Variants in TFAP2D observed in about 807,000 individuals in gnomAD.
TFAP2D encodes transcription factor AP-2 delta, also known as transcription factor AP-2-delta.
Under a neutral mutation model 43.6 loss-of-function variants are expected in TFAP2D, and 9 were observed. The observed-to-expected ratio is 0.21, with a 90% CI of 0.12 to 0.36. The LOEUF (loss-of-function observed/expected upper bound fraction) is 0.36, where lower values mean the gene tolerates loss of function less well. Among genes scored for constraint, TFAP2D ranks in the 10% least tolerant of loss-of-function variants. TFAP2D has a pLI of 1.00. For missense variants in TFAP2D, 513 were observed against 561.4 expected (o/e 0.91, Z 0.87); for synonymous variants, 256 against 224.9 (o/e 1.14, Z -1.24).
chr6:50,726,587 A>T (rs892772411), intron 3 of TFAP2D, among the ~76,000 whole-genome samples: 3 of 152,204 alleles, frequency 2.0e-5, no homozygotes, highest in Admixed American at 6.5e-5. Flanking sequence ...GCATAAAGAC[A>T]TTGATTTCTC....
chr6:50,732,803 G>T (rs1003739684), intron 5 of TFAP2D, among the ~76,000 whole-genome samples: 1 of 151,944 alleles, frequency 6.6e-6, no homozygotes, highest in Non-Finnish European at 1.5e-5. Flanking sequence ...GACATAACAG[G>T]TTTCATTAGC....
Position 50,773,004 on chromosome 6 carries a change from T to G in TFAP2D, c.*140T>G. 7.5e-6 allele frequency: 5 copies of G among 666,142 alleles called. No individual in the cohort carries two copies. The highest frequency in any genetic ancestry group is 8.9e-5 in the South Asian group (2 of 22,392). 41.3% of individuals were successfully genotyped at this position (666,142 alleles called of 1,614,324 possible). ...CTCCATAAAAAAACAAAAATGGAAA[T>G]GAAAAATGAAACAAAAAAGGACAAA... On this transcript the variant is annotated 3_prime_UTR_variant, in exon 8 of 8. Transcript: ENST00000008391.
chr6:50,748,997 G>T (rs931978146), intron 6 of TFAP2D, among the ~76,000 whole-genome samples: 2 of 151,638 alleles, frequency 1.3e-5, no homozygotes. Context: ...TCTTTTTGTA[G>T]ATTTATAAAT....
intron 5 of TFAP2D, among the ~76,000 whole-genome samples, chr6:50,742,613 GATAGATA>G (rs1769064522): frequency 2.0e-5 from 3 of 151,428 alleles, no homozygotes; most frequent in Non-Finnish European, 4.4e-5. Context: ...TAGATAGATA[GATAGATA>G]GATAGATAGA....
At chr6:50,714,501 A>G (rs939717208) in intron 1 of TFAP2D, among the ~76,000 whole-genome samples, 17 of 152,116 alleles carry the variant, frequency 1.1e-4, no homozygotes, top group Non-Finnish European at 2.4e-4. Flanking sequence ...TTATTCAAGG[A>G]AAGGGAAGCA....
At chr6:50,750,347 T>C (rs1269187429) in intron 6 of TFAP2D, among the ~76,000 whole-genome samples, 3 of 152,012 alleles carry the variant, frequency 2.0e-5, no homozygotes, top group Non-Finnish European at 2.9e-5. Flanking sequence ...CCTTGATTTA[T>C]GGAGTCACCT....
At chr6:50,714,736 C>A (rs1463682221) in intron 1 of TFAP2D, among the ~76,000 whole-genome samples, 2 of 152,132 alleles carry the variant, frequency 1.3e-5, no homozygotes, top group African/African-American at 4.8e-5. Flanking sequence ...CTCTGCTACC[C>A]GCGGCCCCGG....
chr6:50,733,454 G>C (rs1768921043), intron 5 of TFAP2D, among the ~76,000 whole-genome samples: 1 of 151,972 alleles, frequency 6.6e-6, no homozygotes, highest in African/African-American at 2.4e-5. Flanking sequence ...GCTTGGATTT[G>C]CTTAACTGAT....
In TFAP2D at chr6:50,772,855, G is replaced by C; in HGVS notation, c.1350G>C (p.Lys450Asn). The C allele has an allele frequency of 6.2e-7, 1 of 1,612,652 alleles. No individual in the cohort carries two copies. ...CCGTGAAAGAGGGCAAAACAGAAAA[G>C]ACAGACTAGCTACATCAAACAGAAT... ...EAAVKEGKTEKTD is the reference protein window; with the variant it reads ...EAAVKEGKTENTD Residue 450 changes from lysine to asparagine, a missense_variant, in exon 8 of 8, where the codon AAG becomes AAC. Transcript: ENST00000008391.
At chr6:50,757,451 CTA>C (rs576198064) in intron 7 of TFAP2D, among the ~76,000 whole-genome samples, 1,289 of 88,394 alleles carry the variant, frequency 0.015, 57 homozygotes, top group African/African-American at 0.054. Flanking sequence ...TATACTTATT[CTA>C]TATATATATA....
intron 3 of TFAP2D, among the ~76,000 whole-genome samples, chr6:50,726,748 T>C (rs1286596439): frequency 2.0e-5 from 3 of 152,212 alleles, no homozygotes; most frequent in Non-Finnish European, 4.4e-5. Context: ...AGATTTTTTT[T>C]TGAAATGCAT....
chr6:50,756,064 T>G (rs923517713), intron 7 of TFAP2D, among the ~76,000 whole-genome samples: 4 of 151,938 alleles, frequency 2.6e-5, no homozygotes, highest in Admixed American at 1.3e-4. Flanking sequence ...GGTTTCACCA[T>G]GTTGCCCAGG....
At chr6:50,732,199 C>A (rs919397614) in intron 5 of TFAP2D, among the ~76,000 whole-genome samples, 4 of 151,984 alleles carry the variant, frequency 2.6e-5, no homozygotes, top group Non-Finnish European at 5.9e-5. Context: ...CTTATATGGT[C>A]TTTCTATGGT....
chr6:50,722,421 T>C (rs1379634886), intron 3 of TFAP2D, among the ~76,000 whole-genome samples: 1 of 152,124 alleles, frequency 6.6e-6, no homozygotes, highest in Admixed American at 6.5e-5. Context: ...AGATATCGGG[T>C]TTCAAAAGGC....
chr6:50,725,164 C>T (rs1015504030), intron 3 of TFAP2D, among the ~76,000 whole-genome samples: 5 of 152,172 alleles, frequency 3.3e-5, no homozygotes, highest in African/African-American at 1.2e-4. Flanking sequence ...TAAGATCTAA[C>T]AAGATATGGC....
chr6:50,748,102 A>T (rs1418253731), intron 6 of TFAP2D, among the ~76,000 whole-genome samples: 1 of 151,910 alleles, frequency 6.6e-6, no homozygotes, highest in African/African-American at 2.4e-5. Flanking sequence ...TTCTTATTGG[A>T]CTATGTGAAA....
At chr6:50,763,291 G>A (rs1309770405) in intron 7 of TFAP2D, among the ~76,000 whole-genome samples, 7 of 152,076 alleles carry the variant, frequency 4.6e-5, no homozygotes, top group South Asian at 2.1e-4. Flanking sequence ...ATTAATGACA[G>A]CCTTGCAGCA....
At position 50,764,419 on chromosome 6, in the gene TFAP2D, C is replaced by G. The variant is rs114906107; in HGVS notation, c.1140-8226C>G. Among the ~76,000 whole-genome samples the G allele has an allele frequency of 6.2e-3, 945 of 152,218 alleles. 13 individuals are homozygous for G. Among genetic ancestry groups the G allele is most frequent in the African/African-American group, 0.021 (890 of 41,554 alleles). The stretch of plus-strand genomic sequence containing the variant: ...TCATTCTTGGAACAAAACTTTGAAA[C>G]AAAACCCTACAAATCTGGGCATCAA... On this transcript the variant is annotated intron_variant, in intron 7 of 7. Transcript: ENST00000008391.
At chr6:50,738,423 G>C (rs1375325697) in intron 5 of TFAP2D, among the ~76,000 whole-genome samples, 1 of 151,690 alleles carries the variant, frequency 6.6e-6, no homozygotes, top group Non-Finnish European at 1.5e-5. Flanking sequence ...TTATTTCATG[G>C]CTTTTAGTTT....
Sources: gnomAD v4.1 joint callset for allele counts (sites outside exome capture counted in the v4.1 genomes callset) on GRCh38, gnomAD v4.1.1 for gene constraint, MANE v1.5 for transcripts, NCBI Gene and HGNC (gene_info 2026-07-23, HGNC 2026-07-21) for gene names.